PTPN12: variants seen among roughly 807,000 people sequenced by gnomAD.
The protein encoded by PTPN12 is tyrosine-protein phosphatase non-receptor type 12.
A neutral mutation model predicts 97.6 loss-of-function variants in PTPN12; 29 were observed. That is an observed-to-expected ratio of 0.30 (90% CI 0.22 to 0.41). The LOEUF (loss-of-function observed/expected upper bound fraction) is 0.41, where lower values mean the gene tolerates loss of function less well. Among genes scored for constraint, PTPN12 ranks in the 10% least tolerant of loss-of-function variants. The probability of loss-of-function intolerance (pLI) is 1.00; values close to 1 mark genes in which losing one functional copy is unlikely to be tolerated. For missense variants in PTPN12, 819 were observed against 926.0 expected (o/e 0.88, Z 1.50); for synonymous variants, 327 against 300.4 (o/e 1.09, Z -0.91).
intron 12 of PTPN12, among the ~76,000 whole-genome samples, chr7:77,625,512 T>G (rs1368192366): frequency 5.6e-5 from 6 of 106,694 alleles, no homozygotes; most frequent in Non-Finnish European, 1.2e-4. Context: ...TCTCTCTCTC[T>G]CTCTCTCTCT....
intron 1 of PTPN12, among the ~76,000 whole-genome samples, chr7:77,563,604 C>T (rs1808091573): frequency 6.6e-6 from 1 of 152,160 alleles, no homozygotes; most frequent in South Asian, 2.1e-4. Flanking sequence ...TACATTTTGA[C>T]ATGAGCAAAG....
chr7:77,551,084 G>A (rs1168209787), intron 1 of PTPN12, among the ~76,000 whole-genome samples: 1 of 151,864 alleles, frequency 6.6e-6, no homozygotes, highest in African/African-American at 2.4e-5. Flanking sequence ...TTTTTGAGAT[G>A]GAGTCTCGCT....
At chr7:77,625,487 C>CTCTCTA (rs1789120727) in intron 12 of PTPN12, among the ~76,000 whole-genome samples, 1 of 97,774 alleles carries the variant, frequency 1.0e-5, no homozygotes, top group Non-Finnish European at 2.1e-5. Context: ...CTCTCTCTCT[C>CTCTCTA]TCTCTCTCTC....
chr7:77,626,213 A>G (rs1271283968), intron 12 of PTPN12, among the ~76,000 whole-genome samples: 1 of 152,224 alleles, frequency 6.6e-6, no homozygotes, highest in Non-Finnish European at 1.5e-5. Context: ...GGGGAAAACA[A>G]GACACTATAG....
rs1178261307 is a variant in PTPN12 at position 77,544,024 on chromosome 7, ATATC to A, written c.99+6382_99+6385del. 7.2e-5 allele frequency among the ~76,000 whole-genome samples: 11 copies of A among 152,148 alleles called. No homozygotes were observed. The East Asian group carries it at 1.2e-3, about 16-fold the overall frequency. On this transcript the variant is annotated intron_variant, in intron 1 of 17. Transcript: ENST00000248594. ...ACACATTTTCAGGTCTCTTGGGTAT[ATATC>A]TAAGTGTGGAATTGCTCAGTCACGT...
At chr7:77,558,317 C>G (rs1468058427) in intron 1 of PTPN12, among the ~76,000 whole-genome samples, 1 of 151,804 alleles carries the variant, frequency 6.6e-6, no homozygotes, top group African/African-American at 2.4e-5. Context: ...ACTGGTGAAG[C>G]CTGTTTTGGA....
chr7:77,627,313 T>C lies in PTPN12; in HGVS notation c.1634T>C (p.Ile545Thr). ...TCATTTCATGGACCTGAAAATGCCA[T>C]ACCCATACCTGATTTATCTGAAGGC... ...TWSFHGPENA[I>T]PIPDLSEGNS... Residue 545 changes from isoleucine to threonine, a missense_variant, in exon 13 of 18, where the codon ATA (isoleucine) becomes ACA (threonine). Coordinates refer to ENST00000248594, the MANE Select transcript of PTPN12 (RefSeq NM_002835.4). 1.9e-6 allele frequency: 3 copies of C among 1,614,172 alleles called. No homozygotes were observed. Among genetic ancestry groups the C allele is most frequent in the Non-Finnish European group, 2.5e-6 (3 of 1,180,030 alleles).
chr7:77,611,712 A>C (rs1418881756), intron 11 of PTPN12, among the ~76,000 whole-genome samples: 1 of 152,122 alleles, frequency 6.6e-6, no homozygotes. Flanking sequence ...CCCAGTGTGC[A>C]ATGTGCTGGG....
At chr7:77,606,567 A>C (rs1347092625) in intron 8 of PTPN12, among the ~76,000 whole-genome samples, 2 of 14,572 alleles carry the variant, frequency 1.4e-4, no homozygotes, top group Non-Finnish European at 1.9e-4. Flanking sequence ...CAACCCCTTA[A>C]AAATGAAATG....
At chr7:77,552,053 A>G (rs778673725) in intron 1 of PTPN12, among the ~76,000 whole-genome samples, 1 of 152,240 alleles carries the variant, frequency 6.6e-6, no homozygotes, top group Non-Finnish European at 1.5e-5. Context: ...CACTGACATT[A>G]TTAGATGGTG....
At chr7:77,577,624 A>G (rs1265456847) in intron 2 of PTPN12, among the ~76,000 whole-genome samples, 1 of 152,176 alleles carries the variant, frequency 6.6e-6, no homozygotes, top group Non-Finnish European at 1.5e-5. Context: ...TATTTATTGG[A>G]TGAATGATAC....
intron 17 of PTPN12, 62 bp downstream of exon 17, chr7:77,638,793 C>T (rs1252647323): frequency 1.3e-6 from 2 of 1,522,968 alleles, no homozygotes; most frequent in Non-Finnish European, 8.8e-7. Context: ...GAGAAAAGCT[C>T]ATTTGCCATT....
intron 2 of PTPN12, among the ~76,000 whole-genome samples, chr7:77,580,008 T>A (rs1158967324): frequency 1.3e-5 from 2 of 152,236 alleles, no homozygotes; most frequent in Non-Finnish European, 2.9e-5. Context: ...AATTCCTCTG[T>A]TAGGAATTTA....
intron 13 of PTPN12, among the ~76,000 whole-genome samples, chr7:77,632,079 A>G (rs1034597011): frequency 6.6e-6 from 1 of 152,220 alleles, no homozygotes; most frequent in African/African-American, 2.4e-5. Flanking sequence ...TGACTTCTCT[A>G]CTGAAGATTC....
At chr7:77,613,320 G>A (rs1380368153) in intron 11 of PTPN12, among the ~76,000 whole-genome samples, 4 of 149,788 alleles carry the variant, frequency 2.7e-5, no homozygotes, top group East Asian at 2.0e-4. Flanking sequence ...GATTACAGGC[G>A]CCCACCACCA....
intron 8 of PTPN12, 142 bp downstream of exon 8, chr7:77,600,948 A>T (rs1192730532): frequency 1.5e-6 from 1 of 683,190 alleles, no homozygotes; most frequent in Non-Finnish European, 2.4e-6. Context: ...TTGTAAGTTG[A>T]TGTGGTCTCA....
intron 2 of PTPN12, among the ~76,000 whole-genome samples, chr7:77,575,325 ACACGCACG>A (rs72384879): frequency 2.8e-4 from 42 of 151,356 alleles, no homozygotes; most frequent in African/African-American, 8.5e-4. Context: ...CTCAACACAC[ACACGCACG>A]CACGCACGCA....
intron 1 of PTPN12, 26 bp from the exon 2 acceptor site, chr7:77,571,052 T>G (rs1787108783): frequency 5.5e-6 from 8 of 1,451,754 alleles, no homozygotes; most frequent in Non-Finnish European, 7.4e-6. Flanking sequence ...TCTCTAAACT[T>G]TAATTTTTAT....
intron 2 of PTPN12, among the ~76,000 whole-genome samples, chr7:77,572,502 C>CT (rs1171766778): frequency 1.3e-5 from 2 of 152,066 alleles, no homozygotes; most frequent in East Asian, 3.8e-4. Context: ...TCCCTCTTTT[C>CT]TCCACTAACT....
Sources: gnomAD v4.1 joint callset for allele counts (sites outside exome capture counted in the v4.1 genomes callset) on GRCh38, gnomAD v4.1.1 for gene constraint, MANE v1.5 for transcripts, NCBI Gene and HGNC (gene_info 2026-07-23, HGNC 2026-07-21) for gene names.